The following ABCA13 variants were observed in gnomAD, a reference collection of about 807,000 sequenced individuals.
ABCA13 encodes ATP binding cassette subfamily A member 13, also known as ATP-binding cassette sub-family A member 13.
ABCA13 carries 476 observed loss-of-function variants against 478.7 expected under a neutral mutation model. The ratio of observed to expected loss-of-function variants is 0.99; its 90% confidence interval spans 0.92 to 1.07. The LOEUF (loss-of-function observed/expected upper bound fraction) is 1.07. Ranked by LOEUF, ABCA13 falls within the 50% of genes least tolerant of loss-of-function variation. The pLI is 0.00. For missense variants in ABCA13, 6,060 were observed against 5,910.6 expected (o/e 1.03, Z -0.83); for synonymous variants, 2,252 against 2,158.9 (o/e 1.04, Z -1.20).
intron 41 of ABCA13, among the ~76,000 whole-genome samples, chr7:48,417,292 T>C (rs1484464650): frequency 6.6e-6 from 1 of 152,102 alleles, no homozygotes; most frequent in Non-Finnish European, 1.5e-5. Context: ...TTTTTTCATA[T>C]GCCTCAATCT....
intron 57 of ABCA13, among the ~76,000 whole-genome samples, chr7:48,594,497 G>T (rs1790081459): frequency 6.6e-6 from 1 of 152,004 alleles, no homozygotes; most frequent in Admixed American, 6.6e-5. Context: ...ATGCTGCATG[G>T]CTGGAGGAGT....
intron 9 of ABCA13, among the ~76,000 whole-genome samples, chr7:48,240,377 A>C (rs1446395223): frequency 6.6e-6 from 1 of 152,200 alleles, no homozygotes; most frequent in African/African-American, 2.4e-5. Flanking sequence ...CCATGCCATC[A>C]GGCTTGGGCA....
Position 48,523,187 on chromosome 7 carries a change from G to A in ABCA13, c.14052-1061G>A, listed in dbSNP as rs187192707. ...TGATTCATTTTTCTTGCCTTTGAAC[G>A]TTATATAAATGAGGTCATGTAAGAT... On this transcript the variant is annotated intron_variant, in intron 53 of 61. Transcript: ENST00000435803. 8.6e-5 allele frequency among the ~76,000 whole-genome samples: 13 copies of A among 151,852 alleles called. 1 individual carries two copies. The South Asian group carries it at 1.0e-3, about 12-fold the overall frequency.
chr7:48,428,131 T>A (rs1457188217), intron 42 of ABCA13, among the ~76,000 whole-genome samples: 2 of 152,122 alleles, frequency 1.3e-5, no homozygotes, highest in South Asian at 2.1e-4. Context: ...AAAAAATTTC[T>A]CAATGTATAC....
At chr7:48,218,918 C>G (rs1447665651) in intron 3 of ABCA13, among the ~76,000 whole-genome samples, 2 of 152,114 alleles carry the variant, frequency 1.3e-5, no homozygotes, top group African/African-American at 2.4e-5. Context: ...ACTATGTTCT[C>G]TAATTTGTAA....
intron 55 of ABCA13, among the ~76,000 whole-genome samples, chr7:48,577,464 C>A (rs567684685): frequency 5.3e-5 from 8 of 152,152 alleles, no homozygotes; most frequent in South Asian, 2.1e-4. Context: ...CAACTCTATG[C>A]CCACATCTTT....
rs868863614 is a variant in ABCA13, at chr7:48,528,299, G to A, written c.14308G>A (p.Glu4770Lys). The change falls in exon 55 of 62, where the codon GAA (glutamate) becomes AAA (lysine). Residue 4770 changes from glutamate (E) to lysine (K), a missense_variant. Glu to Lys is a moderately conservative substitution (Grantham distance 56, BLOSUM62 1). This residue lies in a region of ABCA13 where 1,627 missense variants were observed against 1,571.0 expected (regional missense o/e 1.04). Coordinates refer to ENST00000435803, the MANE Select transcript of ABCA13 (RefSeq NM_152701.5). ...CACGACTTTCAAAATGCTGAATGGT[G>A]AAGTTTCTCTAACTTCAGGACATGC... ...KSTTFKMLNG[E>K]VSLTSGHAII... 3.2e-6 allele frequency: 5 copies of A among 1,577,048 alleles called. No individual in the cohort carries two copies. The Middle Eastern group carries it at 8.3e-4, about 263-fold the overall frequency.
At chr7:48,286,235 A>G (rs9692496) in intron 19 of ABCA13, among the ~76,000 whole-genome samples, 83,811 of 151,878 alleles carry the variant, frequency 0.55, 23,420 homozygotes, top group East Asian at 0.77. Context: ...TTGTCATTCT[A>G]TGGGTTAGGA....
intron 30 of ABCA13, among the ~76,000 whole-genome samples, 184 bp from the exon 31 acceptor site, chr7:48,351,997 A>G (rs1809080722): frequency 6.6e-6 from 1 of 152,238 alleles, no homozygotes; most frequent in Non-Finnish European, 1.5e-5. Flanking sequence ...GTTTAGGCTT[A>G]CCACCAATTG....
rs537564149 is a variant in ABCA13, at chr7:48,186,316, G to A, written c.70-6643G>A. Among the ~76,000 whole-genome samples the A allele has an allele frequency of 2.6e-5, 4 of 152,084 alleles. No homozygotes were observed. The South Asian group carries it at 8.3e-4, about 32-fold the overall frequency. Reference sequence around the variant, plus strand: ...CATTCCTGAGAGATTGTTTTTCTGGGTATACAATTCTAGATTGACAGAATT... The same window carrying A: ...CATTCCTGAGAGATTGTTTTTCTGGATATACAATTCTAGATTGACAGAATT... On this transcript the variant is annotated intron_variant, in intron 1 of 61. Transcript: ENST00000435803.
chr7:48,280,860 T>C (rs140102563), intron 18 of ABCA13, among the ~76,000 whole-genome samples: 180 of 152,308 alleles, frequency 1.2e-3, no homozygotes, highest in African/African-American at 4.2e-3. Flanking sequence ...TCCTTCTTCA[T>C]CTCCTCCTTG....
chr7:48,427,691 A>G (rs1821615237), intron 41 of ABCA13, 75 bp from the exon 42 acceptor site: 5 of 955,276 alleles, frequency 5.2e-6, no homozygotes, highest in Middle Eastern at 2.2e-4. Context: ...GGATTAGGCA[A>G]TTGAGGCAGA....
intron 45 of ABCA13, among the ~76,000 whole-genome samples, chr7:48,478,460 A>G (rs894257088): frequency 3.3e-5 from 5 of 151,952 alleles, no homozygotes; most frequent in African/African-American, 4.8e-5. Context: ...TAATTGGAGA[A>G]AAGGCATATG....
At chr7:48,347,641 A>C (rs1303210907) in intron 29 of ABCA13, among the ~76,000 whole-genome samples, 1 of 152,194 alleles carries the variant, frequency 6.6e-6, no homozygotes, top group Non-Finnish European at 1.5e-5. Context: ...ATAAATTGGG[A>C]TGCTGAGTGT....
intron 10 of ABCA13, among the ~76,000 whole-genome samples, chr7:48,241,982 A>C (rs1790900444): frequency 6.6e-6 from 1 of 152,306 alleles, no homozygotes; most frequent in Non-Finnish European, 1.5e-5. Flanking sequence ...CATAAAAGCT[A>C]CAGGAGGATG....
rs142076250 is a variant in ABCA13, at chr7:48,375,046, C to T, written c.11203+630C>T. Among the ~76,000 whole-genome samples, 109 of 152,158 alleles carry T rather than the reference C, an allele frequency of 7.2e-4. 2 individuals are homozygous for T. Among genetic ancestry groups the T allele is most frequent in the Non-Finnish European group, 1.2e-3 (84 of 68,028 alleles). On this transcript the variant is annotated intron_variant, in intron 34 of 61. Coordinates refer to ENST00000435803, the MANE Select transcript of ABCA13 (RefSeq NM_152701.5). The stretch of plus-strand genomic sequence containing the variant: ...GATCTGTCACTGTCTCGCATCACCC[C>T]CAGGTGGGACTGTCTAGTTGTAGGA...
intron 15 of ABCA13, among the ~76,000 whole-genome samples, chr7:48,254,953 T>C (rs1031963164): frequency 3.9e-5 from 6 of 152,202 alleles, no homozygotes; most frequent in African/African-American, 1.4e-4. Flanking sequence ...GCTTCAAATG[T>C]TGGACTTCAT....
At chr7:48,221,414 T>G in intron 5 of ABCA13, 105 bp downstream of exon 5, 2 of 595,526 alleles carry the variant, frequency 3.4e-6, no homozygotes, top group South Asian at 4.1e-5. Flanking sequence ...TTCTAATGAC[T>G]TGTATAACAA....
intron 50 of ABCA13, among the ~76,000 whole-genome samples, chr7:48,508,838 A>G (rs1000082602): frequency 5.3e-5 from 8 of 152,190 alleles, no homozygotes; most frequent in Non-Finnish European, 1.0e-4. Context: ...CCGCATATTA[A>G]CATGTTGCTT....
Sources: gnomAD v4.1 joint callset for allele counts (sites outside exome capture counted in the v4.1 genomes callset) on GRCh38, gnomAD v4.1.1 for gene constraint, gnomAD v4.1.1 regional missense constraint, MANE v1.5 for transcripts, NCBI Gene and HGNC (gene_info 2026-07-23, HGNC 2026-07-21) for gene names.